Variants in ITIH1 observed in about 807,000 individuals in gnomAD.
ITIH1 encodes the protein inter-alpha-trypsin inhibitor heavy chain 1.
ITIH1 carries 94 observed loss-of-function variants against 104.6 expected under a neutral mutation model. The ratio of observed to expected loss-of-function variants is 0.90; its 90% CI spans 0.76 to 1.07. The LOEUF is 1.07. Among genes scored for constraint, ITIH1 ranks in the 50% least tolerant of loss-of-function variants. The pLI, the probability that ITIH1 is intolerant of heterozygous loss-of-function variation, is 0.00. For missense variants in ITIH1, 1,193 were observed against 1,181.4 expected, an observed-to-expected ratio of 1.01 and a Z score of -0.14; for synonymous variants, 455 against 464.4, an observed-to-expected ratio of 0.98 and a Z score of 0.26.
chr3:52,787,955 C>G (rs758794134), intron 16 of ITIH1, 31 bp from the exon 17 acceptor site: 38 of 1,595,050 alleles, frequency 2.4e-5, no homozygotes, highest in Non-Finnish European at 3.1e-5. Flanking sequence ...CTGGCTGCCC[C>G]GCTTCTAAAT....
At position 52,777,729 on chromosome 3, in the gene ITIH1, C is replaced by T. The variant is rs551526212; in HGVS notation, c.114C>T (p.Ser38=). The change falls in exon 1 of 22, where the codon AGC becomes AGT. Residue 38 remains serine, a synonymous_variant. Transcript: ENST00000273283. ...CGGCTACAGGCAGGTCCAAGAGCAG[C>T]GAGGTATATGGCTAAGCCCACAGGG... ...LGSATGRSKS[S]EKRQAVDTAV... 73 of 1,581,862 alleles carry T rather than the reference C, an allele frequency of 4.6e-5. No homozygotes were observed. The East Asian group carries it at 8.1e-4, about 17-fold the overall frequency.
In ITIH1 at chr3:52,785,039, T is replaced by G. The variant is rs1250631430; in HGVS notation, c.1408-5T>G. 6.2e-7 allele frequency: 1 copy of G among 1,613,830 alleles called. No homozygotes were observed. The highest frequency in any genetic ancestry group is 1.7e-5 in the Admixed American group (1 of 60,006). On this transcript the variant is annotated splice_polypyrimidine_tract_variant and splice_region_variant and intron_variant, in intron 11 of 21. Coordinates refer to ENST00000273283, the MANE Select transcript of ITIH1 (RefSeq NM_002215.4). ...GCTCTAAGGCTGCAACCTCTATCCC[T>G]GCAGGGTTTCTACAGCCAGGTAGCC...
chr3:52,782,321 C>T, intron 8 of ITIH1, 54 bp downstream of exon 8: 1 of 1,361,524 alleles, frequency 7.3e-7, no homozygotes, highest in Non-Finnish European at 1.1e-6. Context: ...AGCCCCATCA[C>T]TCACCACATG....
Position 52,779,427 on chromosome 3 carries a change from T to C in ITIH1, c.411-5T>C. The C allele has an allele frequency of 6.2e-7, 1 of 1,614,214 alleles. No individual in the cohort carries two copies. The highest frequency in any genetic ancestry group is 1.1e-5 in the South Asian group (1 of 91,086). ...GTCTGCTGTTGCCTCTGGTGGCACA[T>C]CCAGGGCCTCGGGGAGAACTATGGA... On this transcript the variant is annotated splice_region_variant and splice_polypyrimidine_tract_variant and intron_variant, in intron 4 of 21. Coordinates refer to ENST00000273283, the MANE Select transcript of ITIH1 (RefSeq NM_002215.4). The surrounding 1 kb of genome is among the most constrained non-coding windows in gnomAD (Gnocchi z 4.4).
rs1174192234 is a variant in ITIH1 at position 52,784,387 on chromosome 3, G to A, written c.1317G>A (p.Val439=). Residue 439 remains valine (V), a synonymous_variant, in exon 11 of 22, where the codon GTG becomes GTA. Coordinates refer to ENST00000273283, the MANE Select transcript of ITIH1 (RefSeq NM_002215.4). ...ACAACCTGGGTTTCGGCCACAATGT[G>A]GACTTTAACTTTCTGGAGGTCATGT... is the stretch of plus-strand genomic sequence containing the variant. ...PLYNLGFGHN[V]DFNFLEVMSM... is the part of the protein sequence containing the mutation. The A allele has an allele frequency of 6.2e-7, 1 of 1,614,038 alleles. No homozygotes were observed. Among genetic ancestry groups the A allele is most frequent in the East Asian group, 2.2e-5 (1 of 44,896 alleles).
Position 52,779,607 on chromosome 3 carries a change from T to C in ITIH1, c.573+13T>C, listed in dbSNP as rs770067930. Reference sequence around the variant, plus strand: ...GCATCATTTTGAGGTAGATCACAGGTCCCGGGGCAGGGGTCCTGCCCCTCT... The same window carrying C: ...GCATCATTTTGAGGTAGATCACAGGCCCCGGGGCAGGGGTCCTGCCCCTCT... On this transcript the variant is annotated intron_variant, in intron 5 of 21. Transcript: ENST00000273283. This position sits in a 1 kb window ranked among gnomAD's most constrained non-coding sequence, Gnocchi z 4.4. The C allele has an allele frequency of 2.9e-5, 46 of 1,613,802 alleles. No homozygotes were observed. Among genetic ancestry groups the C allele is most frequent in the Non-Finnish European group, 1.7e-6 (2 of 1,179,856 alleles).
intron 12 of ITIH1, 105 bp from the exon 13 acceptor site, chr3:52,786,190 C>G (rs890381434): frequency 8.7e-7 from 1 of 1,144,530 alleles, no homozygotes; most frequent in Non-Finnish European, 1.2e-6. Flanking sequence ...ATGCTGAGGA[C>G]GAAGCTGCAG....
Position 52,786,417 on chromosome 3 carries a change from G to A in ITIH1, c.1716G>A (p.Gln572=), listed in dbSNP as rs1187268274. 2 of 1,585,054 alleles carry A rather than the reference G, an allele frequency of 1.3e-6. No individual in the cohort carries two copies. Among genetic ancestry groups the A allele is most frequent in the East Asian group, 2.3e-5 (1 of 43,208 alleles). Residue 572 remains glutamine (Q), a synonymous_variant, in exon 13 of 22, where the codon CAG becomes CAA. Coordinates refer to ENST00000273283, the MANE Select transcript of ITIH1 (RefSeq NM_002215.4). The part of the protein sequence containing the change: ...VERLWAYLTI[Q]ELLAKRMKVD... ...GCCTCTGGGCCTACCTCACCATCCA[G>A]GAGCTGCTGGCCAAGCGGTAGGGCA... is the stretch of plus-strand genomic sequence containing the variant.
rs1241210692 is a variant in ITIH1, at chr3:52,777,724, A to G, written c.109A>G (p.Ser37Gly). 4.4e-6 allele frequency: 7 copies of G among 1,585,722 alleles called. No individual in the cohort carries two copies. Among genetic ancestry groups the G allele is most frequent in the Non-Finnish European group, 6.0e-6 (7 of 1,166,948 alleles). ...ALGSATGRSK[S>G]SEKRQAVDTA... ...GGGCTCGGCTACAGGCAGGTCCAAG[A>G]GCAGCGAGGTATATGGCTAAGCCCA... Residue 37 changes from serine (S) to glycine (G), a missense_variant, in exon 1 of 22, where the codon AGC becomes GGC. Coordinates refer to ENST00000273283, the MANE Select transcript of ITIH1 (RefSeq NM_002215.4).
In ITIH1 at chr3:52,788,489, C is replaced by T; in HGVS notation, c.2119+144C>T. On this transcript the variant is annotated intron_variant, in intron 18 of 21. Transcript: ENST00000273283. ...TGGCTGGGCTCTGCCCGCTGCCTTC[C>T]CACGCCATCCTCCTGGCTGCACCTA... The T allele has an allele frequency of 6.3e-6, 4 of 634,002 alleles. No homozygotes were observed. In the East Asian group the frequency reaches 1.1e-4, roughly 17 times the overall value. The allele number at this position is 634,002 out of a possible 1,614,324, so 39.3% of individuals were successfully genotyped here.
In ITIH1 at chr3:52,791,537, G is replaced by C; in HGVS notation, c.2515G>C (p.Gly839Arg). The C allele has an allele frequency of 6.2e-7, 1 of 1,614,032 alleles. No individual in the cohort carries two copies. The highest frequency in any genetic ancestry group is 1.1e-5 in the South Asian group (1 of 91,076). ...GLLGQFFHPI[G>R]FEVSDIHPGS... is the part of the protein sequence containing the mutation. ...TCTAGGGCAATTTTTCCACCCCATC[G>C]GTTTTGAAGTGTCTGACATCCACCC... Residue 839 changes from glycine (G) to arginine (R), a missense_variant, in exon 21 of 22, where the codon GGT (glycine) becomes CGT (arginine). By Grantham distance (125) the Gly-to-Arg change is moderately radical (BLOSUM62 -2). Transcript: ENST00000273283.
At chr3:52,787,291 T>C in intron 15 of ITIH1, 89 bp downstream of exon 15, 3 of 1,527,602 alleles carry the variant, frequency 2.0e-6, no homozygotes, top group Admixed American at 1.7e-5. Flanking sequence ...CAGCTCCCCA[T>C]CCCCATTCTT....
At chr3:52,787,670 T>C (rs1699236658) in intron 16 of ITIH1, 58 bp downstream of exon 16, 5 of 1,577,356 alleles carry the variant, frequency 3.2e-6, no homozygotes, top group East Asian at 2.2e-5. Flanking sequence ...GATCACCCCG[T>C]TGGCTTTCTT....
intron 20 of ITIH1, 23 bp downstream of exon 20, chr3:52,790,944 G>C: frequency 1.3e-6 from 2 of 1,585,120 alleles, no homozygotes; most frequent in African/African-American, 2.7e-5. Context: ...AGGCTGGCAG[G>C]GCTGTGGGGA....
rs776422240 is a variant in ITIH1, at chr3:52,782,159, T to C, written c.822T>C (p.Asn274=). The C allele has an allele frequency of 6.2e-7, 1 of 1,614,184 alleles. No individual in the cohort carries two copies. Among genetic ancestry groups the C allele is most frequent in the South Asian group, 1.1e-5 (1 of 91,080 alleles). ...GTTCTCCTCTATTTCAGGTGGCCAATAACCACTTTGCCCACTTCTTTGCCC... is the reference window on the plus strand; with the variant it reads ...GTTCTCCTCTATTTCAGGTGGCCAACAACCACTTTGCCCACTTCTTTGCCC... The part of the protein sequence containing the change: ...RDKICDLLVA[N]NHFAHFFAPQ... Residue 274 remains asparagine (N), a synonymous_variant, in exon 8 of 22, where the codon AAT becomes AAC. Coordinates refer to ENST00000273283, the MANE Select transcript of ITIH1 (RefSeq NM_002215.4).
chr3:52,784,180 C>A, intron 10 of ITIH1, 116 bp from the exon 11 acceptor site: 1 of 890,984 alleles, frequency 1.1e-6, no homozygotes, highest in Non-Finnish European at 1.7e-6. Flanking sequence ...GCCCAGGAGC[C>A]TGGAGATGCT....
At chr3:52,790,000 A>C in intron 19 of ITIH1, 146 bp downstream of exon 19, 1 of 743,716 alleles carries the variant, frequency 1.3e-6, no homozygotes, top group Non-Finnish European at 2.2e-6. Context: ...TCCATGGCCC[A>C]CCCAGCCCTC....
chr3:52,782,226 A>C lies in ITIH1; in HGVS notation c.889A>C (p.Ile297Leu). The C allele has an allele frequency of 6.2e-7, 1 of 1,614,114 alleles. No homozygotes were observed. Among genetic ancestry groups the C allele is most frequent in the Non-Finnish European group, 8.5e-7 (1 of 1,180,008 alleles). Reference protein sequence around the residue: ...TNMNKNVVFVIDISGSMRGQK... With the variant: ...TNMNKNVVFVLDISGSMRGQK... The stretch of plus-strand genomic sequence containing the variant: ...CATGAACAAGAACGTGGTTTTTGTG[A>C]TTGACATCAGTGGCTCCATGAGAGG... Residue 297 changes from isoleucine (I) to leucine (L), a missense_variant, in exon 8 of 22, where the codon ATT (isoleucine) becomes CTT (leucine). By Grantham distance (5) the Ile-to-Leu change is conservative. Transcript: ENST00000273283.
At position 52,783,340 on chromosome 3, in the gene ITIH1, G is replaced by C. The variant is rs936404717; in HGVS notation, c.1225+1G>C. On this transcript the variant is annotated splice_donor_variant, in intron 10 of 21. Transcript: ENST00000273283. LOFTEE classifies it high-confidence loss of function. ...TTGACAGATGGCGATCCCACAGAGG[G>C]TAAGCACCTTGGGGGCTGCCTTGGG... is the stretch of plus-strand genomic sequence containing the variant. 6.2e-7 allele frequency: 1 copy of C among 1,613,646 alleles called. No individual in the cohort carries two copies.
Sources: gnomAD v4.1 joint callset for allele counts on GRCh38, gnomAD v4.1.1 for gene constraint, Gnocchi (gnomAD v3.1) non-coding constraint, MANE v1.5 for transcripts, NCBI Gene and HGNC (gene_info 2026-07-23, HGNC 2026-07-21) for gene names.